WBP2NL: variants seen among roughly 807,000 people sequenced by gnomAD.
WBP2NL encodes the protein WBP2 N-terminal like.
WBP2NL carries 27 observed loss-of-function variants against 23.3 expected under a neutral mutation model. The observed-to-expected ratio is 1.16, with a 90% CI of 0.85 to 1.60. The LOEUF (loss-of-function observed/expected upper bound fraction) is 1.60, where lower values mean the gene tolerates loss of function less well. Ranked by LOEUF, WBP2NL falls within the 40% of genes most tolerant of loss-of-function variation. The pLI, the probability that WBP2NL is intolerant of heterozygous loss-of-function variation, is 0.00. For synonymous variants in WBP2NL, 151 were observed against 145.9 expected (o/e 1.03, Z -0.25); for missense variants, 370 against 389.5 (o/e 0.95, Z 0.42).
chr22:42,037,506 G>C (rs1237888728), downstream of WBP2NL, among the ~76,000 whole-genome samples: 1 of 151,798 alleles, frequency 6.6e-6, no homozygotes, highest in Non-Finnish European at 1.5e-5. Context: ...ATTTTGATAG[G>C]GATTGCATTG....
At chr22:42,053,987 G>A (rs1925937958) in intron 8 of WBP2NL, among the ~76,000 whole-genome samples, 1 of 152,072 alleles carries the variant, frequency 6.6e-6, no homozygotes, top group African/African-American at 2.4e-5. Flanking sequence ...ATGAGACAAG[G>A]TCTTACTATG....
At chr22:42,015,347 T>C (rs1036451823) in intron 1 of WBP2NL, among the ~76,000 whole-genome samples, 1 of 152,188 alleles carries the variant, frequency 6.6e-6, no homozygotes, top group South Asian at 2.1e-4. Context: ...TGAGCGTGCC[T>C]TTCTTACTCA....
At chr22:42,005,631 G>A (rs1435061598) in intron 1 of WBP2NL, among the ~76,000 whole-genome samples, 1 of 152,210 alleles carries the variant, frequency 6.6e-6, no homozygotes, top group Non-Finnish European at 1.5e-5. Context: ...ATGATTGACA[G>A]CAGAAACAAT....
chr22:42,009,655 A>C (rs133322), intron 1 of WBP2NL, among the ~76,000 whole-genome samples: 1 of 152,058 alleles, frequency 6.6e-6, no homozygotes, highest in Non-Finnish European at 1.5e-5. Flanking sequence ...ATTTGTTTCT[A>C]TTCTAGTCCA....
chr22:42,044,516 G>C (rs982164775), intron 8 of WBP2NL, among the ~76,000 whole-genome samples: 2 of 152,168 alleles, frequency 1.3e-5, no homozygotes, highest in African/African-American at 4.8e-5. Flanking sequence ...AAAAATTTTG[G>C]TTTTGGCTAG....
chr22:42,049,690 C>CA (rs1925747216), intron 8 of WBP2NL, among the ~76,000 whole-genome samples: 1 of 37,450 alleles, frequency 2.7e-5, no homozygotes. Flanking sequence ...ACTCCGTCTC[C>CA]AAAACAAAAC....
At chr22:41,999,133 G>A (rs972178063) in intron 1 of WBP2NL, among the ~76,000 whole-genome samples, 25 of 136,910 alleles carry the variant, frequency 1.8e-4, no homozygotes, top group Non-Finnish European at 3.3e-4. Flanking sequence ...AAGGCGCGGG[G>A]CCCAGACGCA....
At chr22:42,050,292 C>CT (rs954524554) in intron 8 of WBP2NL, among the ~76,000 whole-genome samples, 2 of 151,620 alleles carry the variant, frequency 1.3e-5, no homozygotes, top group African/African-American at 4.8e-5. Context: ...GACCCTGTCT[C>CT]TAAAAACAAA....
chr22:42,011,705 G>C (rs1773323198), intron 1 of WBP2NL, among the ~76,000 whole-genome samples: 1 of 151,326 alleles, frequency 6.6e-6, no homozygotes, highest in African/African-American at 2.4e-5. Context: ...ATTGTCCTTG[G>C]TTTTCTCTTT....
chr22:42,013,833 T>A (rs1392980150), intron 1 of WBP2NL, among the ~76,000 whole-genome samples: 1 of 151,688 alleles, frequency 6.6e-6, no homozygotes, highest in Non-Finnish European at 1.5e-5. Context: ...CAGACTGGAG[T>A]GCATTGGTGC....
chr22:42,054,956 A>G (rs1602485252), intron 8 of WBP2NL, among the ~76,000 whole-genome samples: 2 of 152,204 alleles, frequency 1.3e-5, no homozygotes, highest in African/African-American at 4.8e-5. Context: ...CTGTATGTCT[A>G]TTGTTATACC....
At chr22:42,055,627 A>G (rs1926000664) in intron 8 of WBP2NL, among the ~76,000 whole-genome samples, 1 of 152,200 alleles carries the variant, frequency 6.6e-6, no homozygotes, top group Non-Finnish European at 1.5e-5. Flanking sequence ...TTGGTTTATA[A>G]TTAGTATTGG....
At position 42,018,929 on chromosome 22, in the gene WBP2NL, A is replaced by T. The variant is rs1923601713; in HGVS notation, c.63-382A>T. On this transcript the variant is annotated intron_variant, in intron 1 of 5. Coordinates refer to ENST00000328823, the MANE Select transcript of WBP2NL (RefSeq NM_152613.3). ...TGCTTACTCTGGAAAAAAAAAAAAA[A>T]AAACTACATTAAGGGCCGGGCACGG... 9.9e-5 allele frequency among the ~76,000 whole-genome samples: 15 copies of T among 152,058 alleles called. No homozygotes were observed. In the South Asian group the frequency reaches 3.1e-3, roughly 32 times the overall value.
intron 1 of WBP2NL, among the ~76,000 whole-genome samples, chr22:42,010,520 T>C (rs1922705893): frequency 6.6e-6 from 1 of 152,142 alleles, no homozygotes; most frequent in Non-Finnish European, 1.5e-5. Context: ...CATGAAAATA[T>C]ATTGAACCTT....
chr22:42,047,387 C>T (rs1244698772), intron 8 of WBP2NL, among the ~76,000 whole-genome samples: 2 of 151,400 alleles, frequency 1.3e-5, no homozygotes, highest in Non-Finnish European at 2.9e-5. Context: ...GCTCATGCCT[C>T]GAGACCAGCC....
At chr22:42,033,443 C>T (rs1181621948), downstream of WBP2NL, among the ~76,000 whole-genome samples, 1 of 152,180 alleles carries the variant, frequency 6.6e-6, no homozygotes, top group Admixed American at 6.5e-5. Context: ...TGTCTCAACC[C>T]TGTTTGTGTT....
intron 8 of WBP2NL, among the ~76,000 whole-genome samples, chr22:42,041,816 G>A (rs1197416437): frequency 2.6e-5 from 4 of 152,088 alleles, no homozygotes; most frequent in Non-Finnish European, 4.4e-5. Flanking sequence ...TTGCTGATTA[G>A]GATGTTTTAA....
At chr22:41,999,410 T>C (rs1921342889) in intron 1 of WBP2NL, among the ~76,000 whole-genome samples, 1 of 152,182 alleles carries the variant, frequency 6.6e-6, no homozygotes, top group Non-Finnish European at 1.5e-5. Flanking sequence ...GTGGGGCTTC[T>C]CCTTGGACCT....
chr22:42,011,162 G>A (rs941374629), intron 1 of WBP2NL, among the ~76,000 whole-genome samples: 2 of 152,202 alleles, frequency 1.3e-5, no homozygotes, highest in African/African-American at 2.4e-5. Flanking sequence ...AAGCCTAGAA[G>A]TGTTTCTTCC....
Sources: allele counts gnomAD v4.1 joint callset (sites outside exome capture counted in the v4.1 genomes callset), GRCh38; gene constraint gnomAD v4.1.1; transcripts MANE v1.5; gene names NCBI Gene and HGNC (gene_info 2026-07-23, HGNC 2026-07-21).